Variants in DNAI4 observed in about 807,000 individuals in gnomAD.
The protein encoded by DNAI4 is WD repeat domain 78.
In DNAI4, 85 loss-of-function variants were observed where a neutral mutation model predicts 105.8. The observed-to-expected ratio is 0.80, with a 90% CI of 0.67 to 0.96. The LOEUF (loss-of-function observed/expected upper bound fraction) is 0.96. Among genes scored for constraint, DNAI4 ranks in the 40% least tolerant of loss-of-function variants. The pLI is 0.00. For missense variants in DNAI4, 1,014 were observed against 1,005.6 expected (o/e 1.01, Z -0.11); for synonymous variants, 352 against 331.5 (o/e 1.06, Z -0.67).
In DNAI4 at chr1:66,912,252, C is replaced by T. The variant is rs564756919; in HGVS notation, c.171-6877G>A. Among the ~76,000 whole-genome samples, 417 of 151,986 alleles carry T rather than the reference C, an allele frequency of 2.7e-3. 3 individuals carry two copies. Among genetic ancestry groups the T allele is most frequent in the Non-Finnish European group, 4.4e-3 (298 of 67,990 alleles). ...AACCCAGCACTTTGGGAACAGATTA[C>T]TTGAGGTCAGGAGTTTCAGACCAGC... On this transcript the variant is annotated intron_variant, in intron 1 of 16. Transcript: ENST00000371026.
chr1:66,887,907 C>CGA, intron 4 of DNAI4, among the ~76,000 whole-genome samples: 1 of 151,870 alleles, frequency 6.6e-6, no homozygotes, highest in Non-Finnish European at 1.5e-5. Context: ...TGTAGTGAGC[C>CGA]GAGATCGCAC....
At position 66,834,015 on chromosome 1, in the gene DNAI4, T is replaced by C. The variant is rs1208883461; in HGVS notation, c.1867A>G (p.Ile623Val). The C allele has an allele frequency of 1.2e-6, 2 of 1,605,986 alleles. No homozygotes were observed. Among genetic ancestry groups the C allele is most frequent in the East Asian group, 2.2e-5 (1 of 44,700 alleles). Residue 623 changes from isoleucine to valine, a missense_variant, in exon 12 of 17, where the codon ATA (isoleucine) becomes GTA (valine). Transcript: ENST00000371026. ...SADGRISKWV[I>V]RKGLDCYDLM... ...CCATAACAGTCTAGTCCTTTTCGTA[T>C]AACCCATTTGGAGATTCTTCCATCT...
chr1:66,826,807 A>C lies in DNAI4; in HGVS notation c.2339+13T>G. 1 of 1,609,888 alleles carries C rather than the reference A, an allele frequency of 6.2e-7. No homozygotes were observed. Among genetic ancestry groups the C allele is most frequent in the Non-Finnish European group, 8.5e-7 (1 of 1,178,000 alleles). ...CTTCTACTAAAATTTATGCAAGAAAAATAGTAACTTACGTGCTGATATGAA... is the reference window on the plus strand; with the variant it reads ...CTTCTACTAAAATTTATGCAAGAAACATAGTAACTTACGTGCTGATATGAA... On this transcript the variant is annotated intron_variant, in intron 15 of 16. Transcript: ENST00000371026.
At chr1:66,833,790 T>C (rs185930380) in intron 12 of DNAI4, 84 bp from the exon 13 acceptor site, 47 of 1,511,950 alleles carry the variant, frequency 3.1e-5, no homozygotes, top group Non-Finnish European at 4.0e-5. Flanking sequence ...CTCCTGCAAA[T>C]AATAATATTA....
chr1:66,916,565 T>C (rs181887335), intron 1 of DNAI4, among the ~76,000 whole-genome samples: 7 of 152,020 alleles, frequency 4.6e-5, no homozygotes, highest in Admixed American at 2.6e-4. Context: ...GTGAAAGAGG[T>C]TGGAATGTGG....
chr1:66,843,854 C>G (rs1227135548), intron 8 of DNAI4, among the ~76,000 whole-genome samples: 1 of 151,912 alleles, frequency 6.6e-6, no homozygotes, highest in Non-Finnish European at 1.5e-5. Flanking sequence ...CTGTTCTATT[C>G]TATATATTTG....
At chr1:66,915,484 T>G (rs576285328) in intron 1 of DNAI4, among the ~76,000 whole-genome samples, 1 of 152,354 alleles carries the variant, frequency 6.6e-6, no homozygotes, top group East Asian at 1.9e-4. Flanking sequence ...ATAGGTCATA[T>G]AGGTAAACAA....
intron 1 of DNAI4, among the ~76,000 whole-genome samples, chr1:66,909,355 G>GC (rs145442539): frequency 0.08 from 11,751 of 146,416 alleles, 592 homozygotes; most frequent in African/African-American, 0.15. Flanking sequence ...TCAGGTTTTT[G>GC]CCCTTATCAT....
intron 3 of DNAI4, among the ~76,000 whole-genome samples, 176 bp downstream of exon 3, chr1:66,893,053 A>AAGAAAGAAAGAGAGAG (rs1167732856): frequency 3.0e-5 from 2 of 66,560 alleles, no homozygotes; most frequent in African/African-American, 1.2e-4. Context: ...GAAAGAAAGA[A>AAGAAAGAAAGAGAGAG]AGAGAGAGAG....
chr1:66,893,630 T>C (rs1474153264), intron 2 of DNAI4, among the ~76,000 whole-genome samples: 1 of 152,204 alleles, frequency 6.6e-6, no homozygotes, highest in African/African-American at 2.4e-5. Context: ...GCTTTATCTA[T>C]ATGTAATTAA....
At chr1:66,916,672 C>G (rs1650096065) in intron 1 of DNAI4, among the ~76,000 whole-genome samples, 1 of 152,156 alleles carries the variant, frequency 6.6e-6, no homozygotes, top group South Asian at 2.1e-4. Flanking sequence ...ATATGGGCCC[C>G]TGTGTCAGAT....
chr1:66,869,805 A>G (rs779259610), intron 6 of DNAI4, among the ~76,000 whole-genome samples: 11 of 152,206 alleles, frequency 7.2e-5, no homozygotes, highest in South Asian at 4.1e-4. Context: ...GGAGAAACCA[A>G]TCAGAATTTG....
intron 3 of DNAI4, 118 bp downstream of exon 3, chr1:66,893,111 A>AAGAC: frequency 4.0e-6 from 2 of 496,776 alleles, no homozygotes; most frequent in South Asian, 1.6e-4. Flanking sequence ...GAAAGAAAGA[A>AAGAC]AGAAAGAAAG....
chr1:66,913,977 C>A (rs1449045749), intron 1 of DNAI4, among the ~76,000 whole-genome samples: 5 of 147,974 alleles, frequency 3.4e-5, no homozygotes, highest in Admixed American at 6.7e-5. Context: ...GAGCAAAACT[C>A]CGTCTCAAAA....
rs890378938 is a variant in DNAI4, at chr1:66,827,895, A to G, written c.2029T>C (p.Leu677=). The G allele has an allele frequency of 1.9e-6, 3 of 1,604,102 alleles. No individual in the cohort carries two copies. The African/African-American group carries it at 4.0e-5, about 22-fold the overall frequency. ...AFHPKDTNIY[L]AGTEEGHIHK... ...ATATGACCTTCTTCAGTGCCAGCCA[A>G]ATAGATATTTGTGTCCTACAACACA... Residue 677 remains leucine (L), a synonymous_variant, in exon 14 of 17, where the codon TTG becomes CTG. Transcript: ENST00000371026.
At chr1:66,876,505 A>G (rs1646962048) in intron 4 of DNAI4, among the ~76,000 whole-genome samples, 1 of 152,188 alleles carries the variant, frequency 6.6e-6, no homozygotes, top group Non-Finnish European at 1.5e-5. Flanking sequence ...GAAAAGTAAT[A>G]GTCTAGTCAA....
chr1:66,874,533 T>G (rs933606085), intron 5 of DNAI4, among the ~76,000 whole-genome samples: 1 of 152,130 alleles, frequency 6.6e-6, no homozygotes, highest in African/African-American at 2.4e-5. Context: ...GCCTAATTAT[T>G]TAAAAATATG....
At chr1:66,860,764 A>C (rs1646608716) in intron 7 of DNAI4, 1 of 152,150 alleles carries the variant, frequency 6.6e-6, no homozygotes, top group Non-Finnish European at 1.5e-5. Context: ...GATCGATCTA[A>C]TATAAAGTCC....
intron 1 of DNAI4, among the ~76,000 whole-genome samples, chr1:66,913,386 T>C (rs186317867): frequency 3.3e-5 from 5 of 152,312 alleles, no homozygotes; most frequent in Admixed American, 3.3e-4. Context: ...AATTTAATCT[T>C]AATTCGGTTT....
Sources: gnomAD v4.1 joint callset for allele counts (sites outside exome capture counted in the v4.1 genomes callset) on GRCh38, gnomAD v4.1.1 for gene constraint, MANE v1.5 for transcripts, NCBI Gene and HGNC (gene_info 2026-07-23, HGNC 2026-07-21) for gene names.